The following SHPRH variants were observed in gnomAD, a reference collection of about 807,000 sequenced individuals.
SHPRH encodes SNF2 histone linker PHD RING helicase.
A neutral mutation model predicts 202.5 loss-of-function variants in SHPRH; 106 were observed. That is an observed-to-expected ratio of 0.52 (90% CI 0.45 to 0.62). The LOEUF is 0.62. Among genes scored for constraint, SHPRH ranks in the 20% least tolerant of loss-of-function variants. SHPRH has a pLI of 0.00. For synonymous variants in SHPRH, 729 were observed against 686.0 expected (o/e 1.06, Z -0.98); for missense variants, 1,710 against 2,020.0 (o/e 0.85, Z 2.94).
At chr6:145,904,698 G>A (rs1224758917) in intron 25 of SHPRH, 1 of 152,074 alleles carries the variant, frequency 6.6e-6, no homozygotes, top group Non-Finnish European at 1.5e-5. Context: ...ACAACGTCGA[G>A]GAGGGATAAA....
chr6:145,930,264 G>T lies in SHPRH; in HGVS notation c.3112+2793C>A, dbSNP rs140023715. On this transcript the variant is annotated intron_variant, in intron 14 of 29. Coordinates refer to ENST00000275233, the MANE Select transcript of SHPRH (RefSeq NM_001042683.3). ...TAAGAAGATTTATATTCTACAAAAA[G>T]CACACATTTCTTTGGGCAACTGATT... Among the ~76,000 whole-genome samples the T allele has an allele frequency of 1.2e-3, 188 of 152,188 alleles. 1 individual carries two copies. The highest frequency in any genetic ancestry group is 4.4e-3 in the African/African-American group (181 of 41,548).
At chr6:145,884,007 T>C (rs577385437), downstream of SHPRH, 13 of 152,298 alleles carry the variant, frequency 8.5e-5, no homozygotes, top group Admixed American at 5.2e-4. Flanking sequence ...CTTAAGCACA[T>C]TGGAAGAGCT....
At chr6:145,912,533 CACA>C (rs1783587936) in intron 24 of SHPRH, among the ~76,000 whole-genome samples, 1 of 152,040 alleles carries the variant, frequency 6.6e-6, no homozygotes. Context: ...CCATTTTTAT[CACA>C]ACTTTTATCA....
At chr6:145,927,116 T>C in intron 15 of SHPRH, 73 bp downstream of exon 15, 1 of 1,372,642 alleles carries the variant, frequency 7.3e-7, no homozygotes, top group Non-Finnish European at 1.0e-6. Context: ...ATTTATCCTC[T>C]TAAACATTCA....
At position 145,926,218 on chromosome 6, in the gene SHPRH, G is replaced by A. The variant is rs776046413; in HGVS notation, c.3280C>T (p.Arg1094Ter). Residue 1094 changes from arginine (R) to a stop codon, truncating the protein, a stop_gained, in exon 16 of 30, where the codon CGA (arginine) becomes TGA (stop). Coordinates refer to ENST00000275233, the MANE Select transcript of SHPRH (RefSeq NM_001042683.3). LOFTEE classifies it high-confidence loss of function. Reference sequence around the variant, plus strand: ...AAAATAATTACCTCTTCCTCAAGTCGGCCATCACGCAAGGTAGGTGGTATC... The same window carrying A: ...AAAATAATTACCTCTTCCTCAAGTCAGCCATCACGCAAGGTAGGTGGTATC... The part of the protein sequence containing the change: ...PGIPPTLRDG[R>*]LEEEAKQLRE... 2.5e-6 allele frequency: 4 copies of A among 1,612,450 alleles called. No homozygotes were observed. The highest frequency in any genetic ancestry group is 3.4e-6 in the Non-Finnish European group (4 of 1,179,096).
chr6:145,922,644 G>C lies in SHPRH; in HGVS notation c.3719+19C>G. On this transcript the variant is annotated intron_variant, in intron 19 of 29. Transcript: ENST00000275233. ...AAGAAATGGTACCATTTCATTGTAT[G>C]ATTTCTTCTATTACCTACCAGTTGA... 5 of 1,574,564 alleles carry C rather than the reference G, an allele frequency of 3.2e-6. No individual in the cohort carries two copies. Among genetic ancestry groups the C allele is most frequent in the Non-Finnish European group, 3.4e-6 (4 of 1,165,404 alleles).
At chr6:145,895,489 AC>A (rs1266639880) in intron 25 of SHPRH, among the ~76,000 whole-genome samples, 1 of 151,652 alleles carries the variant, frequency 6.6e-6, no homozygotes, top group Non-Finnish European at 1.5e-5. Flanking sequence ...AATGATGCTC[AC>A]TTAGAATGAG....
At chr6:145,938,318 C>T (rs1309520728) in intron 11 of SHPRH, among the ~76,000 whole-genome samples, 1 of 152,174 alleles carries the variant, frequency 6.6e-6, no homozygotes, top group East Asian at 1.9e-4. Flanking sequence ...ATGAGATGAT[C>T]CTCGCCAGTT....
At position 145,956,008 on chromosome 6, in the gene SHPRH, G is replaced by A. The variant is rs187988744; in HGVS notation, c.-32-654C>T. 3.7e-3 allele frequency among the ~76,000 whole-genome samples: 555 copies of A among 151,874 alleles called. 4 individuals are homozygous for A. The highest frequency in any genetic ancestry group is 0.013 in the African/African-American group (526 of 41,450). On this transcript the variant is annotated intron_variant, in intron 1 of 29. Coordinates refer to ENST00000275233, the MANE Select transcript of SHPRH (RefSeq NM_001042683.3). ...CAGATGGAAATGCAACATCTAAAAC[G>A]AAAAACACATTGTATGAGATTACCA...
At chr6:145,943,074 A>G in intron 9 of SHPRH, 69 bp downstream of exon 9, 20 of 1,478,970 alleles carry the variant, frequency 1.4e-5, no homozygotes, top group Non-Finnish European at 1.8e-5. Flanking sequence ...AGAAACAAAG[A>G]TTAGGAAACT....
intron 1 of SHPRH, among the ~76,000 whole-genome samples, chr6:145,957,722 T>C (rs1788652042): frequency 6.6e-6 from 1 of 152,146 alleles, no homozygotes; most frequent in South Asian, 2.1e-4. Flanking sequence ...CAAACAGAAC[T>C]GAACTCTCCA....
At chr6:145,941,586 T>C in intron 10 of SHPRH, 37 bp downstream of exon 10, 2 of 1,607,986 alleles carry the variant, frequency 1.2e-6, no homozygotes, top group Non-Finnish European at 1.7e-6. Flanking sequence ...TTCACCCTTC[T>C]TCCCCAGCCC....
intron 8 of SHPRH, among the ~76,000 whole-genome samples, 170 bp downstream of exon 8, chr6:145,945,211 C>A (rs568501999): frequency 6.6e-6 from 1 of 152,118 alleles, no homozygotes; most frequent in East Asian, 1.9e-4. Context: ...GTTACTCTCA[C>A]GGAGTTTATA....
chr6:145,940,883 A>G, intron 10 of SHPRH, 82 bp from the exon 11 acceptor site: 1 of 1,377,050 alleles, frequency 7.3e-7, no homozygotes, highest in Non-Finnish European at 1.0e-6. Context: ...CTCATGAAAA[A>G]CAGCCCATTA....
At chr6:145,923,463 A>G (rs1784601475) in intron 18 of SHPRH, among the ~76,000 whole-genome samples, 180 bp downstream of exon 18, 1 of 151,882 alleles carries the variant, frequency 6.6e-6, no homozygotes, top group Non-Finnish European at 1.5e-5. Context: ...TATAGTACCT[A>G]TAACCATTTT....
chr6:145,930,965 T>G (rs1160807065), intron 14 of SHPRH, among the ~76,000 whole-genome samples: 1 of 152,184 alleles, frequency 6.6e-6, no homozygotes, highest in Non-Finnish European at 1.5e-5. Flanking sequence ...GTAATATTCT[T>G]TGCTCTGAAA....
intron 28 of SHPRH, among the ~76,000 whole-genome samples, chr6:145,888,635 A>C (rs1466558132): frequency 6.6e-6 from 1 of 152,126 alleles, no homozygotes; most frequent in Non-Finnish European, 1.5e-5. Flanking sequence ...TCGTGGTTAT[A>C]ATGGGAAGCC....
At chr6:145,892,869 A>C (rs74768013) in intron 28 of SHPRH, among the ~76,000 whole-genome samples, 53 of 152,098 alleles carry the variant, frequency 3.5e-4, no homozygotes, top group African/African-American at 1.3e-3. Context: ...CATTCTCCTC[A>C]AAGGCATGAT....
rs763377122 is a variant in SHPRH, at chr6:145,947,518, T to C, written c.1187A>G (p.Lys396Arg). Reference protein sequence around the residue: ...LILTHTRQDVKQDALTLPEGK... With the variant: ...LILTHTRQDVRQDALTLPEGK... ...CTCGGGAAGAGTGAGAGCATCTTGC[T>C]TGACATCTTGTCGAGTATGTGTCAG... Residue 396 changes from lysine (K) to arginine (R), a missense_variant, in exon 6 of 30, where the codon AAG becomes AGG. Transcript: ENST00000275233. 5.0e-6 allele frequency: 8 copies of C among 1,612,740 alleles called. No homozygotes were observed. Among genetic ancestry groups the C allele is most frequent in the South Asian group, 4.4e-5 (4 of 91,038 alleles).
Sources: gnomAD v4.1 joint callset for allele counts (sites outside exome capture counted in the v4.1 genomes callset) on GRCh38, gnomAD v4.1.1 for gene constraint, MANE v1.5 for transcripts, NCBI Gene and HGNC (gene_info 2026-07-23, HGNC 2026-07-21) for gene names.